ARHGAP24: variants seen among roughly 807,000 people sequenced by gnomAD.
The protein encoded by ARHGAP24 is rho GTPase-activating protein 24.
In ARHGAP24, 50 loss-of-function variants were observed where a neutral mutation model predicts 76.4. The ratio of observed to expected loss-of-function variants is 0.65; its 90% CI spans 0.52 to 0.83. The LOEUF (loss-of-function observed/expected upper bound fraction) is 0.83, where lower values mean the gene tolerates loss of function less well. Ranked by LOEUF, ARHGAP24 falls within the 40% of genes least tolerant of loss-of-function variation. The probability of loss-of-function intolerance (pLI) is 0.00; values close to 1 mark genes in which losing one functional copy is unlikely to be tolerated. For missense variants in ARHGAP24, 930 were observed against 914.2 expected (o/e 1.02, Z -0.22); for synonymous variants, 345 against 323.3 (o/e 1.07, Z -0.72).
At chr4:85,929,845 G>A (rs1456163261) in intron 4 of ARHGAP24, among the ~76,000 whole-genome samples, 1 of 152,174 alleles carries the variant, frequency 6.6e-6, no homozygotes, top group Non-Finnish European at 1.5e-5. Context: ...GTATGGGAGG[G>A]GAATAAATGC....
chr4:85,946,257 T>C (rs772999966), intron 5 of ARHGAP24, among the ~76,000 whole-genome samples: 20 of 152,214 alleles, frequency 1.3e-4, no homozygotes, highest in Non-Finnish European at 2.4e-4. Context: ...CCATATCATA[T>C]TCCCTCATTT....
At chr4:85,673,425 T>G (rs147223188) in intron 2 of ARHGAP24, among the ~76,000 whole-genome samples, 407 of 152,142 alleles carry the variant, frequency 2.7e-3, no homozygotes, top group Non-Finnish European at 3.1e-3. Flanking sequence ...TTTCAACCAC[T>G]CCATGGTTTG....
In ARHGAP24 at chr4:85,500,288, T is replaced by C. The variant is rs1723752865; in HGVS notation, c.-21+24729T>C. Among the ~76,000 whole-genome samples, 3 of 152,234 alleles carry C rather than the reference T, an allele frequency of 2.0e-5. No homozygotes were observed. The South Asian group carries it at 6.2e-4, about 32-fold the overall frequency. ...ATCCAGATGCTTATGACAGCCCAGA[T>C]TTCTGTAGTGCTGGAAACTGAGAAG... On this transcript the variant is annotated intron_variant, in intron 1 of 9. Coordinates refer to ENST00000395184, the MANE Select transcript of ARHGAP24 (RefSeq NM_001025616.3).
chr4:85,911,893 A>T (rs1735107539), intron 3 of ARHGAP24, among the ~76,000 whole-genome samples: 1 of 152,232 alleles, frequency 6.6e-6, no homozygotes, highest in South Asian at 2.1e-4. Flanking sequence ...ATACAGGTTA[A>T]CATTCTTTAT....
intron 3 of ARHGAP24, among the ~76,000 whole-genome samples, chr4:85,801,362 AG>A: frequency 6.6e-6 from 1 of 152,364 alleles, no homozygotes; most frequent in Middle Eastern, 3.4e-3. Flanking sequence ...AGTCTAAATT[AG>A]GTAAAAGCCT....
At chr4:85,774,553 TCC>T (rs1727239863) in intron 3 of ARHGAP24, among the ~76,000 whole-genome samples, 1 of 152,192 alleles carries the variant, frequency 6.6e-6, no homozygotes, top group Non-Finnish European at 1.5e-5. Context: ...GAAAGAGATT[TCC>T]GGAAGCTCTT....
At chr4:85,897,990 T>C (rs371520276) in intron 3 of ARHGAP24, among the ~76,000 whole-genome samples, 20,706 of 143,354 alleles carry the variant, frequency 0.14, 1,587 homozygotes, top group East Asian at 0.2. Context: ...TACACACATA[T>C]ATATATATAT....
chr4:85,978,296 A>T (rs887680130), intron 8 of ARHGAP24, among the ~76,000 whole-genome samples: 1 of 152,224 alleles, frequency 6.6e-6, no homozygotes, highest in Non-Finnish European at 1.5e-5. Context: ...TTTAAAAGAA[A>T]AAGGAAAGGA....
intron 2 of ARHGAP24, among the ~76,000 whole-genome samples, chr4:85,706,361 T>C (rs1237881003): frequency 3.9e-5 from 6 of 152,150 alleles, no homozygotes; most frequent in Non-Finnish European, 8.8e-5. Flanking sequence ...AGCTAAGAAC[T>C]GATAATGTAA....
chr4:85,815,071 C>G (rs916547610), intron 3 of ARHGAP24, among the ~76,000 whole-genome samples: 1 of 152,150 alleles, frequency 6.6e-6, no homozygotes, highest in Non-Finnish European at 1.5e-5. Context: ...CTTTCAGTCA[C>G]AGCTGGAGCA....
At chr4:85,977,328 G>A (rs142636577) in intron 7 of ARHGAP24, among the ~76,000 whole-genome samples, 1 of 152,252 alleles carries the variant, frequency 6.6e-6, no homozygotes, top group African/African-American at 2.4e-5. Context: ...TTGATTGACA[G>A]AGGAAATCAA....
At chr4:85,869,407 T>G (rs1490189522) in intron 3 of ARHGAP24, among the ~76,000 whole-genome samples, 2 of 152,134 alleles carry the variant, frequency 1.3e-5, no homozygotes, top group Non-Finnish European at 2.9e-5. Flanking sequence ...GGACTGTGAT[T>G]TTTGAAGACT....
At chr4:85,915,945 G>C (rs1215369385) in intron 3 of ARHGAP24, among the ~76,000 whole-genome samples, 2 of 152,108 alleles carry the variant, frequency 1.3e-5, no homozygotes, top group African/African-American at 4.8e-5. Context: ...CAGTAATGGG[G>C]TTGCTGGGTC....
At chr4:85,616,409 T>C (rs916196555) in intron 2 of ARHGAP24, among the ~76,000 whole-genome samples, 4 of 152,220 alleles carry the variant, frequency 2.6e-5, no homozygotes, top group Non-Finnish European at 5.9e-5. Context: ...TAACTTATGA[T>C]GATCTTATGA....
At chr4:85,987,938 C>G (rs1309548530) in intron 8 of ARHGAP24, among the ~76,000 whole-genome samples, 1 of 151,826 alleles carries the variant, frequency 6.6e-6, no homozygotes, top group African/African-American at 2.4e-5. Flanking sequence ...ACAAAGGACA[C>G]ATTACATACA....
At chr4:85,648,869 C>G (rs567969856) in intron 2 of ARHGAP24, among the ~76,000 whole-genome samples, 1 of 152,036 alleles carries the variant, frequency 6.6e-6, no homozygotes, top group African/African-American at 2.4e-5. Flanking sequence ...AGCTTCCACT[C>G]CTAGTTAAAT....
intron 3 of ARHGAP24, among the ~76,000 whole-genome samples, chr4:85,813,091 G>C (rs1729080587): frequency 6.6e-6 from 1 of 152,110 alleles, no homozygotes; most frequent in African/African-American, 2.4e-5. Flanking sequence ...CTTATTCCAG[G>C]ATGAAGGAAG....
At position 85,723,951 on chromosome 4, in the gene ARHGAP24, A is replaced by G. The variant is rs1432458240; in HGVS notation, c.268+1979A>G. On this transcript the variant is annotated intron_variant, in intron 3 of 9. Transcript: ENST00000395184. ...TTAGGGATAACATAACAATTACTTT[A>G]TCTTTGCAAATGGGAATGACAAGAT... is the stretch of plus-strand genomic sequence containing the variant. Among the ~76,000 whole-genome samples, 3 of 152,338 alleles carry G rather than the reference A, an allele frequency of 2.0e-5. No homozygotes were observed. In the East Asian group the frequency reaches 5.8e-4, roughly 29 times the overall value.
rs1411498649 is a variant in ARHGAP24 at position 85,495,959 on chromosome 4, T to C, written c.-21+20400T>C. Among the ~76,000 whole-genome samples, 4 of 152,208 alleles carry C rather than the reference T, an allele frequency of 2.6e-5. No homozygotes were observed. The East Asian group carries it at 7.7e-4, about 29-fold the overall frequency. The stretch of plus-strand genomic sequence containing the variant: ...TTGTTTGTGTCTCATTTTGACTTTG[T>C]AGCTCCCCAAACCCTAGAGAACATG... On this transcript the variant is annotated intron_variant, in intron 1 of 9. Coordinates refer to ENST00000395184, the MANE Select transcript of ARHGAP24 (RefSeq NM_001025616.3).
Sources: allele counts gnomAD v4.1 joint callset (sites outside exome capture counted in the v4.1 genomes callset), GRCh38; gene constraint gnomAD v4.1.1; transcripts MANE v1.5; gene names NCBI Gene and HGNC (gene_info 2026-07-23, HGNC 2026-07-21).